Variants in HCLS1 observed in about 807,000 individuals in gnomAD.
The protein encoded by HCLS1 is hematopoietic lineage cell-specific protein.
A neutral mutation model predicts 68.6 loss-of-function variants in HCLS1; 44 were observed. That is an observed-to-expected ratio of 0.64 (90% CI 0.50 to 0.82). The LOEUF (loss-of-function observed/expected upper bound fraction) is 0.82. Ranked by LOEUF, HCLS1 falls within the 40% of genes least tolerant of loss-of-function variation. The probability of loss-of-function intolerance (pLI) is 0.00; values close to 1 mark genes in which losing one functional copy is unlikely to be tolerated. For missense variants in HCLS1, 602 were observed against 612.1 expected (o/e 0.98, Z 0.17); for synonymous variants, 217 against 225.8 (o/e 0.96, Z 0.35).
chr3:121,655,462 C>CTTTTTTTTTTTTTTTTTTTTTTTTTTTT (rs1181452367), intron 3 of HCLS1: 2 of 50,066 alleles, frequency 4.0e-5, no homozygotes, highest in Non-Finnish European at 3.8e-5. Flanking sequence ...GTTGCTTGCT[C>CTTTTTTTTTTTTTTTTTTTTTTTTTTTT]TTTTTTTTTT....
At chr3:121,635,153 C>T (rs2049136788) in intron 9 of HCLS1, among the ~76,000 whole-genome samples, 1 of 151,950 alleles carries the variant, frequency 6.6e-6, no homozygotes, top group African/African-American at 2.4e-5. Context: ...CCGATTCCTT[C>T]CCCGACGTCA....
chr3:121,650,949 A>G (rs766768907), intron 3 of HCLS1, among the ~76,000 whole-genome samples: 7 of 152,190 alleles, frequency 4.6e-5, no homozygotes, highest in Admixed American at 2.0e-4. Flanking sequence ...CAGCCTAGCC[A>G]CTATGGTGAA....
chr3:121,637,089 G>T (rs1046866386), intron 7 of HCLS1, 57 bp downstream of exon 7: 33 of 1,243,336 alleles, frequency 2.7e-5, no homozygotes, highest in Non-Finnish European at 3.7e-5. Context: ...CTTCCAGAAA[G>T]GAAGGAAGGA....
At chr3:121,635,237 TTCTCTCTCTCTCTCTC>T (rs201290743) in intron 9 of HCLS1, among the ~76,000 whole-genome samples, 15 of 114,322 alleles carry the variant, frequency 1.3e-4, no homozygotes, top group East Asian at 7.0e-4. Context: ...TCTCTCCCTT[TTCTCTCTCTCTCTCTC>T]TCTCTCTCTC....
chr3:121,634,221 T>C lies in HCLS1; in HGVS notation c.889A>G (p.Lys297Glu). Reference protein sequence around the residue: ...EPAVPAPLPKKISSEAWPPVG... With the variant: ...EPAVPAPLPKEISSEAWPPVG... ...CAGGCGCTCACCTCTGAGGAGATTT[T>C]CTTGGGCAGTGGGGCCGGTACTGCT... is the stretch of plus-strand genomic sequence containing the variant. Residue 297 changes from lysine (K) to glutamate (E), a missense_variant, in exon 10 of 14, where the codon AAA becomes GAA. Coordinates refer to ENST00000314583, the MANE Select transcript of HCLS1 (RefSeq NM_005335.6). 1 of 1,614,176 alleles carries C rather than the reference T, an allele frequency of 6.2e-7. No homozygotes were observed. The highest frequency in any genetic ancestry group is 8.5e-7 in the Non-Finnish European group (1 of 1,180,022).
intron 6 of HCLS1, among the ~76,000 whole-genome samples, chr3:121,638,823 T>C (rs1399304807): frequency 6.6e-6 from 1 of 152,060 alleles, no homozygotes; most frequent in African/African-American, 2.4e-5. Context: ...ATACCTTACA[T>C]CAGGAGTATG....
intron 5 of HCLS1, 163 bp from the exon 6 acceptor site, chr3:121,643,144 A>G (rs1393433857): frequency 1.2e-5 from 7 of 600,174 alleles, no homozygotes; most frequent in Admixed American, 5.2e-5. Context: ...ACAGGATACT[A>G]CAGAGCAATG....
chr3:121,641,060 T>C (rs961433365), intron 6 of HCLS1, among the ~76,000 whole-genome samples: 5 of 151,736 alleles, frequency 3.3e-5, no homozygotes, highest in African/African-American at 1.2e-4. Context: ...CAAGAGAAAA[T>C]GCCTGAGAAC....
At chr3:121,642,423 A>G (rs2049210079) in intron 6 of HCLS1, among the ~76,000 whole-genome samples, 1 of 151,830 alleles carries the variant, frequency 6.6e-6, no homozygotes, top group African/African-American at 2.4e-5. Context: ...GAGCCAATAT[A>G]GTGCCACTGC....
intron 5 of HCLS1, chr3:121,644,034 T>G (rs2049223851): frequency 6.5e-6 from 1 of 152,794 alleles, no homozygotes; most frequent in African/African-American, 2.4e-5. Flanking sequence ...CTGCCTTAGC[T>G]TCCAATCCTT....
rs536220836 is a variant in HCLS1 at position 121,652,050 on chromosome 3, C to T, written c.159-4602G>A. Among the ~76,000 whole-genome samples the T allele has an allele frequency of 5.9e-5, 9 of 152,284 alleles. No homozygotes were observed. The South Asian group carries it at 1.9e-3, about 32-fold the overall frequency. ...GACATATCCATACAATGGGACACTA[C>T]ATGACAATATAAAAGAACAAAAGAC... On this transcript the variant is annotated intron_variant, in intron 3 of 13. Transcript: ENST00000314583.
chr3:121,637,900 C>T (rs909309113), intron 6 of HCLS1, among the ~76,000 whole-genome samples: 20 of 151,116 alleles, frequency 1.3e-4, no homozygotes, highest in African/African-American at 4.9e-4. Context: ...TGCACCATTG[C>T]ACTCCAGCCT....
At chr3:121,649,393 C>T (rs1937689258) in intron 3 of HCLS1, among the ~76,000 whole-genome samples, 1 of 152,056 alleles carries the variant, frequency 6.6e-6, no homozygotes, top group African/African-American at 2.4e-5. Flanking sequence ...GCATGTCATG[C>T]CCCGCTAGAT....
rs570111190 is a variant in HCLS1 at position 121,649,322 on chromosome 3, G to A, written c.159-1874C>T. ...ATGATCTCAGCTCACTGTAATCTCC[G>A]CCTCCCGGGTTCAAGTGATTCTCTT... On this transcript the variant is annotated intron_variant, in intron 3 of 13. Coordinates refer to ENST00000314583, the MANE Select transcript of HCLS1 (RefSeq NM_005335.6). Among the ~76,000 whole-genome samples the A allele has an allele frequency of 1.7e-4, 26 of 152,168 alleles. No individual in the cohort carries two copies. In the South Asian group the frequency reaches 1.9e-3, roughly 11 times the overall value.
chr3:121,643,006 G>T, intron 5 of HCLS1, 25 bp from the exon 6 acceptor site: 1 of 1,601,406 alleles, frequency 6.2e-7, no homozygotes, highest in Non-Finnish European at 8.6e-7. Context: ...AGACAGAATT[G>T]GTTAGAGTCA....
chr3:121,638,341 G>A (rs964694097), intron 6 of HCLS1, among the ~76,000 whole-genome samples: 2 of 152,176 alleles, frequency 1.3e-5, no homozygotes, highest in Non-Finnish European at 2.9e-5. Flanking sequence ...GCAATTACAG[G>A]TGTGAACTAC....
At position 121,636,456 on chromosome 3, in the gene HCLS1, AT is replaced by A; in HGVS notation, c.598del (p.Ile200SerfsTer29). ...TACCTTATCCACTCGGTCCTTCTGG[AT>A]TCCATACTGGCCACCAAAGCCCTTG... ...YAKGFGGQYG[I>X]QKDRVDKSAV... On this transcript the variant is annotated frameshift_variant, in exon 8 of 14. Transcript: ENST00000314583. LOFTEE classifies it high-confidence loss of function. The A allele has an allele frequency of 6.2e-7, 1 of 1,613,838 alleles. No homozygotes were observed.
chr3:121,639,031 A>G (rs1001591831), intron 6 of HCLS1, among the ~76,000 whole-genome samples: 3 of 143,156 alleles, frequency 2.1e-5, no homozygotes, highest in African/African-American at 8.4e-5. Context: ...ACACGCACAC[A>G]CACACACACA....
intron 10 of HCLS1, among the ~76,000 whole-genome samples, chr3:121,633,636 C>G (rs1288863502): frequency 6.6e-6 from 1 of 152,140 alleles, no homozygotes; most frequent in Non-Finnish European, 1.5e-5. Context: ...CTCTTGGGCT[C>G]AAACAATCCT....
Sources: allele counts gnomAD v4.1 joint callset (sites outside exome capture counted in the v4.1 genomes callset), GRCh38; gene constraint gnomAD v4.1.1; transcripts MANE v1.5; gene names NCBI Gene and HGNC (gene_info 2026-07-23, HGNC 2026-07-21).